Variants in RANBP2 observed in about 807,000 individuals in gnomAD.
RANBP2 encodes the protein E3 SUMO-protein ligase RanBP2.
RANBP2 carries 57 observed loss-of-function variants against 303.6 expected under a neutral mutation model. That is an observed-to-expected ratio of 0.19 (90% confidence interval 0.15 to 0.23). RANBP2 has a LOEUF of 0.23. Among genes scored for constraint, RANBP2 ranks in the 10% least tolerant of loss-of-function variants. The pLI is 1.00. For synonymous variants in RANBP2, 1,167 were observed against 1,301.5 expected (o/e 0.90, Z 2.23); for missense variants, 3,138 against 3,780.8 (o/e 0.83, Z 4.46).
the RANBP2 span, among the ~76,000 whole-genome samples, chr2:109,556,911 A>G: frequency 1.3e-5 from 2 of 152,302 alleles, no homozygotes; most frequent in East Asian, 1.9e-4. Flanking sequence ...TCAGCAAACT[A>G]TCGCAAGGAC....
chr2:108,785,961 C>A (rs1436312631), downstream of RANBP2: 1 of 152,056 alleles, frequency 6.6e-6, no homozygotes. Flanking sequence ...CTGACAGTCA[C>A]AATTTAGAAA....
the RANBP2 span, among the ~76,000 whole-genome samples, chr2:109,668,523 C>T: frequency 0.012 from 1,784 of 152,230 alleles, 26 homozygotes; most frequent in African/African-American, 0.037. Context: ...AACACTTGTG[C>T]GATGCTGCTG....
At chr2:109,379,896 G>C in the RANBP2 span, among the ~76,000 whole-genome samples, 1 of 152,156 alleles carries the variant, frequency 6.6e-6, no homozygotes. Context: ...GTCTATGTCT[G>C]AACAGAGTGG....
At chr2:108,725,813 G>A (rs1694655591) in intron 1 of RANBP2, among the ~76,000 whole-genome samples, 1 of 150,620 alleles carries the variant, frequency 6.6e-6, no homozygotes, top group Admixed American at 6.6e-5. Flanking sequence ...TAAGATTGCT[G>A]TAGTTCTTTT....
chr2:109,318,336 C>T, the RANBP2 span, among the ~76,000 whole-genome samples: 14 of 152,016 alleles, frequency 9.2e-5, no homozygotes, highest in Non-Finnish European at 1.3e-4. Flanking sequence ...GCCCCCAGCC[C>T]GGTCCCCAGT....
chr2:109,285,571 G>A, the RANBP2 span, among the ~76,000 whole-genome samples: 1 of 152,232 alleles, frequency 6.6e-6, no homozygotes, highest in African/African-American at 2.4e-5. Context: ...CTGAGGTGGT[G>A]CGTCATGTTC....
At chr2:109,102,685 C>T in the RANBP2 span, among the ~76,000 whole-genome samples, 1 of 151,960 alleles carries the variant, frequency 6.6e-6, no homozygotes, top group Non-Finnish European at 1.5e-5. Flanking sequence ...CTGGCAGAGC[C>T]TTGGGGGAGA....
the RANBP2 span, among the ~76,000 whole-genome samples, chr2:109,537,512 T>C: frequency 2.0e-5 from 3 of 152,294 alleles, no homozygotes; most frequent in South Asian, 6.2e-4. Context: ...TTCTCAAATG[T>C]CCTTACCAGG....
At chr2:109,100,863 C>G in the RANBP2 span, among the ~76,000 whole-genome samples, 1 of 152,146 alleles carries the variant, frequency 6.6e-6, no homozygotes, top group African/African-American at 2.4e-5. Context: ...AGCTCACAAG[C>G]CCAGAGCTTA....
At chr2:109,457,382 A>C in the RANBP2 span, among the ~76,000 whole-genome samples, 13 of 152,364 alleles carry the variant, frequency 8.5e-5, no homozygotes, top group South Asian at 2.7e-3. Flanking sequence ...GTAGGGTTTC[A>C]ACTGCAAAGC....
the RANBP2 span, among the ~76,000 whole-genome samples, chr2:109,401,487 C>G: frequency 7.1e-6 from 1 of 140,786 alleles, no homozygotes; most frequent in African/African-American, 2.5e-5. Context: ...CAGAGATGGC[C>G]CTGGAACTGC....
chr2:109,329,640 G>C, the RANBP2 span, among the ~76,000 whole-genome samples: 1 of 152,256 alleles, frequency 6.6e-6, no homozygotes, highest in South Asian at 2.1e-4. Context: ...CACTTTAGCA[G>C]AGAGATTTGC....
At chr2:109,711,268 TCTC>T in the RANBP2 span, among the ~76,000 whole-genome samples, 444 of 151,810 alleles carry the variant, frequency 2.9e-3, 6 homozygotes, top group African/African-American at 9.9e-3. Flanking sequence ...TGAGCCCACT[TCTC>T]CTCACACCCT....
At chr2:109,158,844 C>T in the RANBP2 span, among the ~76,000 whole-genome samples, 2 of 152,210 alleles carry the variant, frequency 1.3e-5, no homozygotes, top group African/African-American at 4.8e-5. Flanking sequence ...TGTAAAAGTT[C>T]AGTGTGTCCT....
chr2:109,587,426 T>C, the RANBP2 span, among the ~76,000 whole-genome samples: 1 of 151,352 alleles, frequency 6.6e-6, no homozygotes, highest in Non-Finnish European at 1.5e-5. Context: ...AGGAGAAAAG[T>C]TAGAGAAAGA....
At chr2:109,494,075 G>C in the RANBP2 span, among the ~76,000 whole-genome samples, 12 of 152,318 alleles carry the variant, frequency 7.9e-5, no homozygotes, top group African/African-American at 2.9e-4. Context: ...CTTTGGGATA[G>C]TTCAAAGCTG....
the RANBP2 span, among the ~76,000 whole-genome samples, chr2:109,327,453 G>A: frequency 6.6e-6 from 1 of 152,062 alleles, no homozygotes; most frequent in Non-Finnish European, 1.5e-5. Flanking sequence ...AGCAGGGCAA[G>A]GACTTTCACT....
At chr2:108,980,532 A>T in the RANBP2 span, among the ~76,000 whole-genome samples, 1 of 152,216 alleles carries the variant, frequency 6.6e-6, no homozygotes, top group South Asian at 2.1e-4. Flanking sequence ...TTACATATAT[A>T]TATTTATGTG....
the RANBP2 span, among the ~76,000 whole-genome samples, chr2:109,310,135 A>G: frequency 1.3e-5 from 1 of 78,790 alleles, no homozygotes; most frequent in Non-Finnish European, 2.2e-5. Context: ...AATTATAACA[A>G]ACTATCTCTC....
Sources: gnomAD v4.1 joint callset for allele counts (sites outside exome capture counted in the v4.1 genomes callset) on GRCh38, gnomAD v4.1.1 for gene constraint, MANE v1.5 for transcripts, NCBI Gene and HGNC (gene_info 2026-07-23, HGNC 2026-07-21) for gene names.